Variants in DGKI observed in about 807,000 individuals in gnomAD.
The protein encoded by DGKI is DAG kinase iota.
Under a neutral mutation model 147.5 loss-of-function variants are expected in DGKI, and 55 were observed. The ratio of observed to expected loss-of-function variants is 0.37; its 90% CI spans 0.30 to 0.47. The LOEUF is 0.47. DGKI is among the 20% of genes least tolerant of loss of function. The pLI, the probability that DGKI is intolerant of heterozygous loss-of-function variation, is 1.00. For missense variants in DGKI, 1,007 were observed against 1,323.8 expected (o/e 0.76, Z 3.71); for synonymous variants, 469 against 477.1 (o/e 0.98, Z 0.22).
chr7:137,552,187 C>G (rs983823152), intron 20 of DGKI, among the ~76,000 whole-genome samples, 182 bp downstream of exon 20: 1 of 152,122 alleles, frequency 6.6e-6, no homozygotes, highest in Non-Finnish European at 1.5e-5. Context: ...GGGCATGGAA[C>G]TGTATAATAA....
At chr7:137,834,367 A>G (rs1366134527) in intron 1 of DGKI, among the ~76,000 whole-genome samples, 1 of 152,238 alleles carries the variant, frequency 6.6e-6, no homozygotes, top group Non-Finnish European at 1.5e-5. Flanking sequence ...GTAAAAGTGC[A>G]TGATGAAACA....
intron 28 of DGKI, among the ~76,000 whole-genome samples, chr7:137,438,280 CT>C (rs778402785): frequency 2.0e-5 from 3 of 151,932 alleles, no homozygotes. Context: ...ATAAAAAGAC[CT>C]TTCATAGAAG....
chr7:137,811,394 A>T (rs1262663276), intron 1 of DGKI, among the ~76,000 whole-genome samples: 2,061 of 142,682 alleles, frequency 0.014, 19 homozygotes, highest in African/African-American at 0.026. Flanking sequence ...TCACACACAC[A>T]CACACACACA....
chr7:137,737,736 C>G (rs1795064784), intron 1 of DGKI, among the ~76,000 whole-genome samples: 1 of 152,086 alleles, frequency 6.6e-6, no homozygotes, highest in African/African-American at 2.4e-5. Context: ...CCATATATTA[C>G]TATCTTCATA....
At chr7:137,758,179 T>C (rs1179537327) in intron 1 of DGKI, among the ~76,000 whole-genome samples, 1 of 152,182 alleles carries the variant, frequency 6.6e-6, no homozygotes, top group Non-Finnish European at 1.5e-5. Flanking sequence ...CGGAGAAGTC[T>C]CAGCAATGAT....
At chr7:137,512,171 A>G (rs1816602305) in intron 21 of DGKI, among the ~76,000 whole-genome samples, 1 of 152,220 alleles carries the variant, frequency 6.6e-6, no homozygotes, top group African/African-American at 2.4e-5. Context: ...TAGGCTGTAT[A>G]CTAGAAAGTG....
At chr7:137,705,760 A>G (rs1318806664) in intron 1 of DGKI, among the ~76,000 whole-genome samples, 1 of 152,228 alleles carries the variant, frequency 6.6e-6, no homozygotes, top group Non-Finnish European at 1.5e-5. Flanking sequence ...ATAAATATTT[A>G]TTGAAATGAT....
intron 28 of DGKI, among the ~76,000 whole-genome samples, chr7:137,439,428 A>C (rs1813408637): frequency 6.6e-6 from 1 of 152,226 alleles, no homozygotes; most frequent in African/African-American, 2.4e-5. Flanking sequence ...GGAAGAACAA[A>C]GGGATGTCTT....
At chr7:137,605,134 C>T (rs1820130953) in intron 10 of DGKI, among the ~76,000 whole-genome samples, 1 of 151,750 alleles carries the variant, frequency 6.6e-6, no homozygotes, top group Non-Finnish European at 1.5e-5. Context: ...ATAGTGAAAC[C>T]CCGTCTCTAC....
At chr7:137,749,201 C>T (rs576230452) in intron 1 of DGKI, among the ~76,000 whole-genome samples, 9 of 152,306 alleles carry the variant, frequency 5.9e-5, no homozygotes, top group African/African-American at 2.2e-4. Flanking sequence ...CTCTGTCCTC[C>T]ACCTTTCCAT....
At chr7:137,807,065 A>G (rs1212472907) in intron 1 of DGKI, among the ~76,000 whole-genome samples, 1 of 152,200 alleles carries the variant, frequency 6.6e-6, no homozygotes, top group East Asian at 1.9e-4. Flanking sequence ...TCACTGCAAC[A>G]GCTTGCCATA....
chr7:137,588,170 T>C (rs569639852), intron 12 of DGKI, among the ~76,000 whole-genome samples: 1 of 152,328 alleles, frequency 6.6e-6, no homozygotes, highest in African/African-American at 2.4e-5. Flanking sequence ...TTGCATCAAA[T>C]TTAGAAAAAT....
chr7:137,596,681 A>G (rs1013622720), intron 12 of DGKI, among the ~76,000 whole-genome samples: 1 of 152,204 alleles, frequency 6.6e-6, no homozygotes, highest in African/African-American at 2.4e-5. Context: ...GAAGAAAGAT[A>G]AAGACTATTT....
intron 19 of DGKI, among the ~76,000 whole-genome samples, chr7:137,553,551 G>GT (rs1818121958): frequency 7.4e-6 from 1 of 135,176 alleles, no homozygotes; most frequent in Non-Finnish European, 1.5e-5. Context: ...TTCTGACTTA[G>GT]TAAAAAAAAA....
chr7:137,556,434 C>G (rs551202981), intron 19 of DGKI, among the ~76,000 whole-genome samples: 37 of 152,098 alleles, frequency 2.4e-4, no homozygotes, highest in Non-Finnish European at 4.6e-4. Context: ...ACTAATATTT[C>G]TACTGATATC....
intron 12 of DGKI, among the ~76,000 whole-genome samples, chr7:137,597,532 A>G (rs935944533): frequency 2.0e-5 from 3 of 152,182 alleles, no homozygotes; most frequent in African/African-American, 7.2e-5. Context: ...AAATGGAAAC[A>G]GTTCAGCTTA....
chr7:137,517,397 AAGAGAGAGAAAGAG>A (rs150184216), intron 21 of DGKI, among the ~76,000 whole-genome samples: 1,735 of 149,930 alleles, frequency 0.012, 47 homozygotes, highest in African/African-American at 0.04. Context: ...GGGAGGGAGA[AAGAGAGAGAAAGAG>A]AGAGAAAGAA....
intron 19 of DGKI, among the ~76,000 whole-genome samples, chr7:137,556,259 A>G (rs536505219): frequency 8.1e-4 from 123 of 152,218 alleles, no homozygotes; most frequent in Non-Finnish European, 1.3e-3. Context: ...CCTAGAAAAA[A>G]ATATTATTCA....
Position 137,585,424 on chromosome 7 carries a change from G to C in DGKI, c.1426-78C>G. The stretch of plus-strand genomic sequence containing the variant: ...CCAATGCTATTTTACGCAAGGAAGA[G>C]CCAAGCCGTTATATTGTTTATTTTA... On this transcript the variant is annotated intron_variant, in intron 13 of 32. Coordinates refer to ENST00000614521, the MANE Select transcript of DGKI (RefSeq NM_001321708.2). 2.6e-6 allele frequency: 4 copies of C among 1,510,870 alleles called. No homozygotes were observed. In the South Asian group the frequency reaches 3.9e-5, roughly 15 times the overall value. The allele number at this position is 1,510,870 out of a possible 1,614,324, so 93.6% of individuals were successfully genotyped here.
Sources: allele counts gnomAD v4.1 joint callset (sites outside exome capture counted in the v4.1 genomes callset), GRCh38; gene constraint gnomAD v4.1.1; transcripts MANE v1.5; gene names NCBI Gene and HGNC (gene_info 2026-07-23, HGNC 2026-07-21).